DGKI: variants seen among roughly 807,000 people sequenced by gnomAD.
DGKI encodes the protein diacylglycerol kinase iota.
A neutral mutation model predicts 147.5 loss-of-function variants in DGKI; 55 were observed. That is an observed-to-expected ratio of 0.37 (90% confidence interval 0.30 to 0.47). The LOEUF (loss-of-function observed/expected upper bound fraction) is 0.47, where lower values mean the gene tolerates loss of function less well. Ranked by LOEUF, DGKI falls within the 20% of genes least tolerant of loss-of-function variation. The pLI is 1.00. For missense variants in DGKI, 1,007 were observed against 1,323.8 expected, an observed-to-expected ratio of 0.76 and a Z score of 3.71; for synonymous variants, 469 against 477.1, an observed-to-expected ratio of 0.98 and a Z score of 0.22.
rs562566514 is a variant in DGKI at position 137,544,825 on chromosome 7, A to G, written c.2147+7544T>C. Among the ~76,000 whole-genome samples, 4 of 152,342 alleles carry G rather than the reference A, an allele frequency of 2.6e-5. No homozygotes were observed. The East Asian group carries it at 7.7e-4, about 29-fold the overall frequency. Reference sequence around the variant, plus strand: ...AAATAGCCTAAGTCTACTGTGTAAAATACACAGACACAGAGTTAATGTAAT... The same window carrying G: ...AAATAGCCTAAGTCTACTGTGTAAAGTACACAGACACAGAGTTAATGTAAT... On this transcript the variant is annotated intron_variant, in intron 20 of 32. Transcript: ENST00000614521.
intron 1 of DGKI, among the ~76,000 whole-genome samples, chr7:137,696,948 T>C (rs905149871): frequency 1.3e-5 from 2 of 152,086 alleles, no homozygotes; most frequent in African/African-American, 2.4e-5. Context: ...GAGAAAGCCA[T>C]GTGAAGATGA....
In DGKI at chr7:137,397,402, A is replaced by G. The variant is rs1402506809; in HGVS notation, c.2932T>C (p.Leu978=). 19 of 1,613,346 alleles carry G rather than the reference A, an allele frequency of 1.2e-5. No individual in the cohort carries two copies. The highest frequency in any genetic ancestry group is 1.5e-5 in the Non-Finnish European group (18 of 1,179,852). Residue 978 remains leucine, a synonymous_variant, in exon 31 of 33, where the codon TTA becomes CTA. Coordinates refer to ENST00000614521, the MANE Select transcript of DGKI (RefSeq NM_001321708.2). Reference sequence around the variant, plus strand: ...GTTTCACTGTCTGCCATATCCAATAACTCGGAAGGTCCTAAATAAGAAGAA... The same window carrying G: ...GTTTCACTGTCTGCCATATCCAATAGCTCGGAAGGTCCTAAATAAGAAGAA... ...KYILDHGPSE[L]LDMADSETGE...
chr7:137,599,777 C>G (rs771423468), intron 11 of DGKI, 46 bp downstream of exon 11: 1 of 1,571,916 alleles, frequency 6.4e-7, no homozygotes, highest in South Asian at 1.1e-5. Context: ...AAAATTCTCA[C>G]TTGCCTAAAA....
intron 1 of DGKI, among the ~76,000 whole-genome samples, chr7:137,712,429 C>A (rs1488261189): frequency 1.3e-5 from 2 of 152,148 alleles, no homozygotes; most frequent in Middle Eastern, 3.4e-3. Context: ...TGAAAGTGTG[C>A]CATATTAACA....
intron 1 of DGKI, among the ~76,000 whole-genome samples, chr7:137,728,246 A>G (rs530009270): frequency 1.3e-5 from 2 of 152,240 alleles, no homozygotes; most frequent in South Asian, 4.1e-4. Flanking sequence ...GTCTGCTCCC[A>G]TCTAAGGAAA....
chr7:137,501,584 A>G (rs1197384146), intron 21 of DGKI, among the ~76,000 whole-genome samples: 1 of 152,200 alleles, frequency 6.6e-6, no homozygotes, highest in African/African-American at 2.4e-5. Context: ...AAGAAAGCCA[A>G]AAGACCCTTG....
chr7:137,722,171 T>G, intron 1 of DGKI: 1 of 1,600,662 alleles, frequency 6.2e-7, no homozygotes, highest in Non-Finnish European at 8.5e-7. Flanking sequence ...CGATCTGCTA[T>G]GTATTCCAGA....
At chr7:137,595,206 A>G (rs558704269) in intron 12 of DGKI, among the ~76,000 whole-genome samples, 1 of 152,362 alleles carries the variant, frequency 6.6e-6, no homozygotes, top group East Asian at 1.9e-4. Context: ...AAGACTGGAT[A>G]TGAAAAATAG....
chr7:137,675,361 C>G (rs1445368054), intron 3 of DGKI, among the ~76,000 whole-genome samples: 1 of 152,148 alleles, frequency 6.6e-6, no homozygotes, highest in East Asian at 1.9e-4. Context: ...GACCCATCTG[C>G]ATCAGAATTA....
chr7:137,668,930 G>A (rs1822742423), intron 3 of DGKI, among the ~76,000 whole-genome samples: 1 of 152,150 alleles, frequency 6.6e-6, no homozygotes. Flanking sequence ...TGATTATAGT[G>A]GTCAATATTT....
Position 137,542,980 on chromosome 7 carries a change from A to G in DGKI, c.2147+9389T>C, listed in dbSNP as rs190842527. 1.1e-4 allele frequency among the ~76,000 whole-genome samples: 16 copies of G among 152,308 alleles called. No individual in the cohort carries two copies. The East Asian group carries it at 3.1e-3, about 29-fold the overall frequency. ...CTCAATAATGTTTGTTTAAAGATGA[A>G]AGCAATGAATAAATTAGGTGTAAAT... is the stretch of plus-strand genomic sequence containing the variant. On this transcript the variant is annotated intron_variant, in intron 20 of 32. Transcript: ENST00000614521.
chr7:137,565,837 C>A (rs1473244244), intron 19 of DGKI, among the ~76,000 whole-genome samples: 3 of 152,072 alleles, frequency 2.0e-5, no homozygotes, highest in African/African-American at 7.2e-5. Context: ...ACCCAGCACC[C>A]AATGAAGAAT....
intron 2 of DGKI, among the ~76,000 whole-genome samples, chr7:137,683,185 T>C (rs1585366941): frequency 6.6e-6 from 1 of 152,046 alleles, no homozygotes; most frequent in Admixed American, 6.6e-5. Context: ...TTAACGTTAG[T>C]ATAAATTTAG....
intron 3 of DGKI, among the ~76,000 whole-genome samples, chr7:137,671,073 G>A (rs919559300): frequency 1.4e-4 from 21 of 152,176 alleles, no homozygotes; most frequent in African/African-American, 4.8e-4. Flanking sequence ...TTCTTCCTGA[G>A]ATGAAACAGA....
chr7:137,577,451 A>G (rs1453942976), intron 16 of DGKI, among the ~76,000 whole-genome samples, 167 bp from the exon 17 acceptor site: 2 of 152,122 alleles, frequency 1.3e-5, no homozygotes, highest in Non-Finnish European at 2.9e-5. Context: ...TCAAGTTGAA[A>G]TTTTTCTCTT....
chr7:137,671,524 A>C lies in DGKI; in HGVS notation c.606+7033T>G, dbSNP rs1822843392. 2.6e-5 allele frequency among the ~76,000 whole-genome samples: 4 copies of C among 152,248 alleles called. No individual in the cohort carries two copies. The South Asian group carries it at 8.3e-4, about 31-fold the overall frequency. On this transcript the variant is annotated intron_variant, in intron 3 of 32. Coordinates refer to ENST00000614521, the MANE Select transcript of DGKI (RefSeq NM_001321708.2). ...TCCATGACATTGAACCATAGTAGGT[A>C]CAGAAGAGGAGGAAAATGAATACAA...
intron 21 of DGKI, among the ~76,000 whole-genome samples, chr7:137,498,010 G>A (rs1373960988): frequency 6.6e-6 from 1 of 151,904 alleles, no homozygotes; most frequent in Admixed American, 6.6e-5. Context: ...CTTTAAACAT[G>A]ATATCTTTAA....
chr7:137,578,586 T>C (rs1819068019), intron 15 of DGKI, among the ~76,000 whole-genome samples: 1 of 152,192 alleles, frequency 6.6e-6, no homozygotes, highest in Non-Finnish European at 1.5e-5. Flanking sequence ...TTGCAAATGA[T>C]TAGGCCCTAG....
intron 21 of DGKI, among the ~76,000 whole-genome samples, chr7:137,511,069 C>T (rs762184608): frequency 3.9e-5 from 6 of 152,184 alleles, no homozygotes; most frequent in African/African-American, 1.2e-4. Flanking sequence ...TTTTTATCCA[C>T]GTAACTAGTG....
Sources: allele counts gnomAD v4.1 joint callset (sites outside exome capture counted in the v4.1 genomes callset), GRCh38; gene constraint gnomAD v4.1.1; transcripts MANE v1.5; gene names NCBI Gene and HGNC (gene_info 2026-07-23, HGNC 2026-07-21).